SNTG1: variants seen among roughly 807,000 people sequenced by gnomAD.
The protein encoded by SNTG1 is syntrophin gamma 1, also known as gamma-1-syntrophin.
In SNTG1, 39 loss-of-function variants were observed where a neutral mutation model predicts 74.7. The ratio of observed to expected loss-of-function variants is 0.52; its 90% CI spans 0.40 to 0.68. The LOEUF (loss-of-function observed/expected upper bound fraction) is 0.68. Among genes scored for constraint, SNTG1 ranks in the 30% least tolerant of loss-of-function variants. The pLI, the probability that SNTG1 is intolerant of heterozygous loss-of-function variation, is 0.00. For missense variants in SNTG1, 685 were observed against 609.5 expected (o/e 1.12, Z -1.30); for synonymous variants, 254 against 217.1 (o/e 1.17, Z -1.49).
chr8:50,371,814 T>C (rs1363578075), intron 2 of SNTG1, among the ~76,000 whole-genome samples: 1 of 152,190 alleles, frequency 6.6e-6, no homozygotes, highest in Non-Finnish European at 1.5e-5. Flanking sequence ...CTTCTGACCA[T>C]TTTTAACTTA....
rs1189342836 is a variant in SNTG1 at position 50,730,250 on chromosome 8, TAA to T, written c.1284+21273_1284+21274del. 8.9e-4 allele frequency among the ~76,000 whole-genome samples: 136 copies of T among 152,284 alleles called. 1 individual carries two copies. Among genetic ancestry groups the T allele is most frequent in the Middle Eastern group, 6.8e-3 (2 of 294 alleles). ...GAAAGACATGCTTAGTTTTCTCTGC[TAA>T]GTGGAGGGGGCTATGCCACATATTG... On this transcript the variant is annotated intron_variant, in intron 17 of 18. Transcript: ENST00000642720.
intron 2 of SNTG1, among the ~76,000 whole-genome samples, chr8:50,283,786 G>A (rs1039381645): frequency 5.3e-5 from 8 of 152,064 alleles, no homozygotes; most frequent in African/African-American, 1.9e-4. Context: ...GGCATAATAT[G>A]ATACTCTGGG....
chr8:50,175,244 G>C (rs1457402268), intron 2 of SNTG1, among the ~76,000 whole-genome samples: 1 of 152,012 alleles, frequency 6.6e-6, no homozygotes, highest in East Asian at 1.9e-4. Flanking sequence ...GGGATGGCTG[G>C]GTCAAATGGT....
At chr8:50,303,201 TAA>T (rs771725747) in intron 2 of SNTG1, among the ~76,000 whole-genome samples, 3 of 152,298 alleles carry the variant, frequency 2.0e-5, no homozygotes, top group South Asian at 2.1e-4. Context: ...GATTATTTAT[TAA>T]GTTAGTTAAT....
At chr8:50,445,389 G>A (rs964814765) in intron 5 of SNTG1, among the ~76,000 whole-genome samples, 1 of 152,110 alleles carries the variant, frequency 6.6e-6, no homozygotes, top group African/African-American at 2.4e-5. Flanking sequence ...TAATATGATT[G>A]ATTGATTAAT....
At chr8:50,274,528 A>G (rs12675367) in intron 2 of SNTG1, among the ~76,000 whole-genome samples, 71,460 of 152,024 alleles carry the variant, frequency 0.47, 19,365 homozygotes, top group East Asian at 0.83. Flanking sequence ...TTCAATTTGT[A>G]TATTTTAAAA....
chr8:50,697,571 A>G (rs147436120), intron 15 of SNTG1, among the ~76,000 whole-genome samples: 493 of 152,242 alleles, frequency 3.2e-3, no homozygotes, highest in Middle Eastern at 6.8e-3. Flanking sequence ...TTTGTCATAT[A>G]TGACCTTTAT....
chr8:49,941,298 C>T (rs1808663204), intron 1 of SNTG1, among the ~76,000 whole-genome samples: 1 of 151,988 alleles, frequency 6.6e-6, no homozygotes, highest in Admixed American at 6.6e-5. Flanking sequence ...CTAGAAGAGC[C>T]ACCCTCTTCC....
chr8:50,694,159 T>A (rs1339854919), intron 15 of SNTG1, among the ~76,000 whole-genome samples: 8 of 151,480 alleles, frequency 5.3e-5, no homozygotes, highest in Non-Finnish European at 8.8e-5. Flanking sequence ...AATGAAGTTT[T>A]TTTTTTTGAA....
intron 12 of SNTG1, among the ~76,000 whole-genome samples, chr8:50,584,765 G>A (rs2094636274): frequency 6.6e-6 from 1 of 152,078 alleles, no homozygotes; most frequent in African/African-American, 2.4e-5. Flanking sequence ...TAGTGTGCCT[G>A]TAACAGAAGA....
chr8:50,502,971 G>GC lies in SNTG1; in HGVS notation c.466+91_466+92insC, dbSNP rs2093976092. 12 of 1,135,360 alleles carry GC rather than the reference G, an allele frequency of 1.1e-5. No homozygotes were observed. The East Asian group carries it at 3.1e-4, about 29-fold the overall frequency. 70.3% of individuals were successfully genotyped at this position (1,135,360 alleles called of 1,614,324 possible). ...CAATAATTGGTGATTTCTTCTTAAA[G>GC]TTGAGATTTTTGCCTGACTGTAAAC... On this transcript the variant is annotated intron_variant, in intron 9 of 18. Transcript: ENST00000642720.
At chr8:50,500,859 G>A (rs1049804204) in intron 8 of SNTG1, among the ~76,000 whole-genome samples, 2 of 152,238 alleles carry the variant, frequency 1.3e-5, no homozygotes, top group East Asian at 1.9e-4. Context: ...GGTTATGGAG[G>A]GTTCCTCCCT....
rs375745398 is a variant in SNTG1, at chr8:50,220,872, A to G, written c.-28+48237A>G. Among the ~76,000 whole-genome samples the G allele has an allele frequency of 1.8e-4, 27 of 152,316 alleles. 1 individual carries two copies. The highest frequency in any genetic ancestry group is 6.3e-4 in the African/African-American group (26 of 41,574). On this transcript the variant is annotated intron_variant, in intron 2 of 18. Coordinates refer to ENST00000642720, the MANE Select transcript of SNTG1 (RefSeq NM_018967.5). ...TCTTGTCTAAAATATTTGTGGATGA[A>G]CCAACACAGTGTTTACTCCATTCTA... is the stretch of plus-strand genomic sequence containing the variant.
chr8:50,735,253 A>C (rs1206533567), intron 17 of SNTG1, among the ~76,000 whole-genome samples: 3 of 151,790 alleles, frequency 2.0e-5, no homozygotes, highest in African/African-American at 4.8e-5. Context: ...ATTGTTGAGA[A>C]AATATATTCC....
intron 2 of SNTG1, among the ~76,000 whole-genome samples, chr8:50,244,821 G>A (rs554918518): frequency 1.3e-5 from 2 of 152,202 alleles, no homozygotes; most frequent in African/African-American, 2.4e-5. Context: ...TATGCTTGGC[G>A]ATCACAGAAT....
chr8:50,169,005 C>T (rs2082720180), intron 1 of SNTG1, among the ~76,000 whole-genome samples: 1 of 152,180 alleles, frequency 6.6e-6, no homozygotes, highest in African/African-American at 2.4e-5. Context: ...TCCATCACAA[C>T]TAAGATATTT....
intron 5 of SNTG1, among the ~76,000 whole-genome samples, chr8:50,446,022 C>T (rs1028309653): frequency 9.2e-5 from 14 of 152,164 alleles, no homozygotes; most frequent in Non-Finnish European, 2.1e-4. Context: ...GACAACAGTG[C>T]ATGCTGACAT....
rs569526946 is a variant in SNTG1, at chr8:50,244,996, AT to A, written c.-28+72369del. On this transcript the variant is annotated intron_variant, in intron 2 of 18. Transcript: ENST00000642720. ...TAATATAAGTAAATGCCATTTTTAC[AT>A]TTTTTTTCCATTATCATTCTTGCAA... 8.8e-4 allele frequency among the ~76,000 whole-genome samples: 134 copies of A among 152,014 alleles called. 1 individual carries two copies. Among genetic ancestry groups the A allele is most frequent in the African/African-American group, 2.8e-3 (117 of 41,514 alleles).
At chr8:50,516,636 T>C (rs1585542906) in intron 9 of SNTG1, among the ~76,000 whole-genome samples, 1 of 152,272 alleles carries the variant, frequency 6.6e-6, no homozygotes, top group East Asian at 1.9e-4. Context: ...GCATGAGAAC[T>C]TTGTGAAGCA....
Sources: allele counts gnomAD v4.1 joint callset (sites outside exome capture counted in the v4.1 genomes callset), GRCh38; gene constraint gnomAD v4.1.1; transcripts MANE v1.5; gene names NCBI Gene and HGNC (gene_info 2026-07-23, HGNC 2026-07-21).